ADGRL3: variants seen among roughly 807,000 people sequenced by gnomAD.
The protein encoded by ADGRL3 is calcium-independent alpha-latrotoxin receptor 3.
Under a neutral mutation model 153.5 loss-of-function variants are expected in ADGRL3, and 62 were observed. That is an observed-to-expected ratio of 0.40 (90% CI 0.33 to 0.50). The LOEUF is 0.50. ADGRL3 is among the 20% of genes least tolerant of loss of function. ADGRL3 has a pLI of 0.47. For synonymous variants in ADGRL3, 710 were observed against 672.5 expected (o/e 1.06, Z -0.86); for missense variants, 1,641 against 1,859.4 (o/e 0.88, Z 2.16).
At chr4:61,823,744 G>A (rs911430395) in intron 9 of ADGRL3, among the ~76,000 whole-genome samples, 48 of 152,214 alleles carry the variant, frequency 3.2e-4, no homozygotes, top group African/African-American at 1.2e-3. Context: ...CTACGACTTA[G>A]TGCCCAGTCC....
chr4:62,017,439 A>G (rs1317932690), intron 21 of ADGRL3, among the ~76,000 whole-genome samples: 1 of 150,278 alleles, frequency 6.7e-6, no homozygotes, highest in Non-Finnish European at 1.5e-5. Context: ...TTTACTTGGG[A>G]GTTTTTTTTT....
intron 11 of ADGRL3, among the ~76,000 whole-genome samples, chr4:61,908,829 A>G (rs533757746): frequency 2.6e-5 from 4 of 152,218 alleles, no homozygotes; most frequent in African/African-American, 7.2e-5. Flanking sequence ...TTTCTTACCA[A>G]TTAATATATA....
At chr4:61,667,852 T>A (rs566264500) in intron 5 of ADGRL3, among the ~76,000 whole-genome samples, 1 of 152,292 alleles carries the variant, frequency 6.6e-6, no homozygotes, top group South Asian at 2.1e-4. Flanking sequence ...GAAAAATAAG[T>A]GTACATCACA....
intron 19 of ADGRL3, among the ~76,000 whole-genome samples, chr4:61,994,911 GTTTTC>G (rs2099116547): frequency 6.7e-6 from 1 of 148,692 alleles, no homozygotes; most frequent in Non-Finnish European, 1.5e-5. Context: ...CTCAACTTTG[GTTTTC>G]TTTTTTTTTT....
At chr4:61,914,315 A>G (rs1435373995) in intron 13 of ADGRL3, among the ~76,000 whole-genome samples, 1 of 152,116 alleles carries the variant, frequency 6.6e-6, no homozygotes, top group Non-Finnish European at 1.5e-5. Flanking sequence ...TCTTTTCCTG[A>G]TCTATAGCTA....
At chr4:61,922,322 AT>A in intron 13 of ADGRL3, among the ~76,000 whole-genome samples, 1 of 152,280 alleles carries the variant, frequency 6.6e-6, no homozygotes. Flanking sequence ...AATAGATATT[AT>A]TTTTTGAAAC....
intron 1 of ADGRL3, among the ~76,000 whole-genome samples, chr4:61,254,303 G>A (rs2091757919): frequency 6.6e-6 from 1 of 152,110 alleles, no homozygotes; most frequent in Admixed American, 6.6e-5. Context: ...CATGGGTCAG[G>A]TAGGTGTCAT....
intron 6 of ADGRL3, among the ~76,000 whole-genome samples, chr4:61,717,196 A>ATGTGTG (rs780528173): frequency 0.012 from 1,295 of 106,954 alleles, 4 homozygotes; most frequent in Admixed American, 0.018. Context: ...CACATAGTTT[A>ATGTGTG]TGTGTGTGTG....
chr4:61,609,845 A>G (rs2099046208), intron 5 of ADGRL3, among the ~76,000 whole-genome samples: 1 of 152,058 alleles, frequency 6.6e-6, no homozygotes, highest in African/African-American at 2.4e-5. Context: ...TACGGAATAA[A>G]TTTGGCATAA....
At chr4:61,481,831 A>T (rs2098134967) in intron 2 of ADGRL3, among the ~76,000 whole-genome samples, 1 of 152,150 alleles carries the variant, frequency 6.6e-6, no homozygotes, top group South Asian at 2.1e-4. Context: ...TCTTCTCTTT[A>T]ACATTTTTAG....
chr4:61,661,843 G>A (rs949604738), intron 5 of ADGRL3, among the ~76,000 whole-genome samples: 2 of 152,076 alleles, frequency 1.3e-5, no homozygotes, highest in Non-Finnish European at 2.9e-5. Context: ...AAAGTTCCTT[G>A]ACTAAAACTT....
chr4:61,380,521 G>A (rs2096654698), intron 1 of ADGRL3, among the ~76,000 whole-genome samples: 1 of 151,778 alleles, frequency 6.6e-6, no homozygotes, highest in African/African-American at 2.4e-5. Flanking sequence ...TCTTATATAT[G>A]TGATTGCTTT....
chr4:61,360,533 G>A (rs1174360507), intron 1 of ADGRL3, among the ~76,000 whole-genome samples: 1 of 152,016 alleles, frequency 6.6e-6, no homozygotes, highest in East Asian at 1.9e-4. Context: ...GTAAACATGA[G>A]GATATGTTAT....
chr4:61,951,519 G>A (rs1382319856), intron 17 of ADGRL3, among the ~76,000 whole-genome samples: 1 of 152,182 alleles, frequency 6.6e-6, no homozygotes, highest in Non-Finnish European at 1.5e-5. Flanking sequence ...TGCAATGTTA[G>A]ACAGATTATT....
At position 61,566,850 on chromosome 4, in the gene ADGRL3, A is replaced by C. The variant is rs1433919301; in HGVS notation, c.260-20377A>C. On this transcript the variant is annotated intron_variant, in intron 4 of 26. Coordinates refer to ENST00000683033, the MANE Select transcript of ADGRL3 (RefSeq NM_001387552.1). The stretch of plus-strand genomic sequence containing the variant: ...TTATTACTTAAAGTTTTCTTTTTTG[A>C]AGGAAATCTAATCTATTTTCTCAAC... 4.6e-5 allele frequency among the ~76,000 whole-genome samples: 7 copies of C among 152,142 alleles called. No individual in the cohort carries two copies. The South Asian group carries it at 6.2e-4, about 14-fold the overall frequency.
chr4:61,935,315 T>C (rs2098833788), intron 14 of ADGRL3, among the ~76,000 whole-genome samples: 2 of 152,164 alleles, frequency 1.3e-5, no homozygotes, highest in African/African-American at 2.4e-5. Flanking sequence ...ATGTATGTAT[T>C]ACACTATTTA....
chr4:61,868,605 T>TAAAAAAAAAA (rs1009424336), intron 9 of ADGRL3, among the ~76,000 whole-genome samples: 5 of 152,334 alleles, frequency 3.3e-5, no homozygotes, highest in African/African-American at 1.2e-4. Flanking sequence ...CTGTTGATTA[T>TAAAAAAAAAA]AATAACAACC....
chr4:61,324,625 G>T (rs545543642), intron 1 of ADGRL3, among the ~76,000 whole-genome samples: 1 of 152,218 alleles, frequency 6.6e-6, no homozygotes, highest in East Asian at 1.9e-4. Context: ...TGAAAATGAA[G>T]AGTAATCTGC....
intron 3 of ADGRL3, among the ~76,000 whole-genome samples, chr4:61,512,561 T>G (rs540121235): frequency 6.6e-6 from 1 of 152,200 alleles, no homozygotes; most frequent in Admixed American, 6.5e-5. Context: ...ATAAGTAAAT[T>G]TTTAAAATCT....
Sources: allele counts gnomAD v4.1 joint callset (sites outside exome capture counted in the v4.1 genomes callset), GRCh38; gene constraint gnomAD v4.1.1; transcripts MANE v1.5; gene names NCBI Gene and HGNC (gene_info 2026-07-23, HGNC 2026-07-21).